The following NIN variants were observed in gnomAD, a reference collection of about 807,000 sequenced individuals.
NIN encodes glycogen synthase kinase 3 beta-interacting protein.
In NIN, 137 loss-of-function variants were observed where a neutral mutation model predicts 257.6. The observed-to-expected ratio is 0.53, with a 90% CI of 0.46 to 0.61. The LOEUF is 0.61. Ranked by LOEUF, NIN falls within the 20% of genes least tolerant of loss-of-function variation. The pLI is 0.00. For missense variants in NIN, 2,439 were observed against 2,501.2 expected, an observed-to-expected ratio of 0.98 and a Z score of 0.53; for synonymous variants, 918 against 919.8, an observed-to-expected ratio of 1.00 and a Z score of 0.04.
At chr14:50,811,111 C>CTT (rs61652857) in intron 3 of NIN, among the ~76,000 whole-genome samples, 14 of 142,084 alleles carry the variant, frequency 9.9e-5, no homozygotes, top group East Asian at 6.2e-4. Context: ...GAAGCTATTA[C>CTT]TTTTTTTTTT....
chr14:50,808,529 C>G (rs1466945848), intron 3 of NIN, among the ~76,000 whole-genome samples: 3 of 152,200 alleles, frequency 2.0e-5, no homozygotes, highest in Admixed American at 2.0e-4. Flanking sequence ...GGAGACATTA[C>G]GAAGCCTCTC....
At chr14:50,816,178 G>C (rs878903601) in intron 3 of NIN, among the ~76,000 whole-genome samples, 18 of 151,994 alleles carry the variant, frequency 1.2e-4, no homozygotes, top group Admixed American at 8.5e-4. Flanking sequence ...CAGGAGGTAG[G>C]GGGTGGGTGG....
intron 28 of NIN, among the ~76,000 whole-genome samples, chr14:50,733,995 T>C (rs900351925): frequency 5.9e-5 from 9 of 152,220 alleles, no homozygotes; most frequent in African/African-American, 1.4e-4. Context: ...AAATCAATGC[T>C]TGGTGCTTGG....
At chr14:50,811,544 CTTTTTTTTTTTT>C (rs55734117) in intron 3 of NIN, among the ~76,000 whole-genome samples, 3 of 75,276 alleles carry the variant, frequency 4.0e-5, no homozygotes, top group Non-Finnish European at 7.3e-5. Context: ...AATGGTCAAG[CTTTTTTTTTTTT>C]TTTTTTTTTT....
At chr14:50,779,352 G>C (rs1477596116) in intron 5 of NIN, among the ~76,000 whole-genome samples, 1 of 152,226 alleles carries the variant, frequency 6.6e-6, no homozygotes, top group African/African-American at 2.4e-5. Flanking sequence ...CTATGACAAG[G>C]AAGTTCAGGA....
intron 12 of NIN, among the ~76,000 whole-genome samples, chr14:50,768,598 G>A (rs1327891976): frequency 6.6e-6 from 1 of 151,982 alleles, no homozygotes; most frequent in Non-Finnish European, 1.5e-5. Context: ...GAGAGCTGGG[G>A]TAGGTGCAGT....
At position 50,771,122 on chromosome 14, in the gene NIN, AAGGCACTC is replaced by A. The variant is rs2042713958; in HGVS notation, c.1119-138_1119-131del. Reference sequence around the variant, plus strand: ...ACAACCAAAACCCTCCCAAAGCAAAAAGGCACTCCACCCTTCCCTTCAAAAGCCTACAT... The same window carrying A: ...ACAACCAAAACCCTCCCAAAGCAAAACACCCTTCCCTTCAAAAGCCTACAT... On this transcript the variant is annotated intron_variant, in intron 10 of 30. Coordinates refer to ENST00000530997, the MANE Select transcript of NIN (RefSeq NM_020921.4). 3 of 1,216,048 alleles carry A rather than the reference AAGGCACTC, an allele frequency of 2.5e-6. No individual in the cohort carries two copies. In the East Asian group the frequency reaches 7.4e-5, roughly 30 times the overall value. The allele number at this position is 1,216,048 out of a possible 1,614,324, so 75.3% of individuals were successfully genotyped here.
intron 2 of NIN, among the ~76,000 whole-genome samples, chr14:50,825,399 T>C (rs902096986): frequency 5.3e-5 from 8 of 152,208 alleles, no homozygotes; most frequent in African/African-American, 1.9e-4. Context: ...TATTGATAAA[T>C]TTAATGTCAA....
In NIN at chr14:50,766,358, C is replaced by T; in HGVS notation, c.1584G>A (p.Leu528=). The stretch of plus-strand genomic sequence containing the variant: ...TCATCTGTGTCAGTCTCTCTTCTTG[C>T]AGGAAGAACTCAGCACTGCTAGGAT... The part of the protein sequence containing the change: ...DLDPSSAEFF[L]QEERLTQMRN... The change falls in exon 14 of 31, where the codon CTG becomes CTA. Residue 528 remains leucine, a synonymous_variant. Transcript: ENST00000530997. 1 of 1,614,160 alleles carries T rather than the reference C, an allele frequency of 6.2e-7. No individual in the cohort carries two copies.
intron 5 of NIN, 122 bp downstream of exon 5, chr14:50,792,590 G>A (rs541643628): frequency 1.0e-5 from 10 of 960,670 alleles, no homozygotes; most frequent in Non-Finnish European, 1.4e-5. Flanking sequence ...TTAGCAAGGA[G>A]TTGGTAACTG....
chr14:50,815,594 T>C (rs1281484390), intron 3 of NIN, among the ~76,000 whole-genome samples: 1 of 152,226 alleles, frequency 6.6e-6, no homozygotes, highest in Non-Finnish European at 1.5e-5. Context: ...TGCATGCATA[T>C]GTTCATTGCA....
chr14:50,735,619 T>G lies in NIN; in HGVS notation c.5776-2A>C. 1 of 1,604,354 alleles carries G rather than the reference T, an allele frequency of 6.2e-7. No individual in the cohort carries two copies. The highest frequency in any genetic ancestry group is 1.1e-5 in the South Asian group (1 of 89,586). On this transcript the variant is annotated splice_acceptor_variant, in intron 27 of 30. Coordinates refer to ENST00000530997, the MANE Select transcript of NIN (RefSeq NM_020921.4). LOFTEE classifies it high-confidence loss of function. ...TTCAAGGGAATTCATCTGACTGACC[T>G]GTTTAAAAAAAACAAAATATTCCCT... is the stretch of plus-strand genomic sequence containing the variant.
intron 28 of NIN, among the ~76,000 whole-genome samples, chr14:50,734,117 TC>T (rs1242671793): frequency 6.7e-6 from 1 of 150,068 alleles, no homozygotes; most frequent in Admixed American, 6.7e-5. Context: ...TGAGATGGAG[TC>T]CGGCATTGTT....
chr14:50,829,375 G>T (rs556316782), intron 2 of NIN, among the ~76,000 whole-genome samples: 4 of 152,140 alleles, frequency 2.6e-5, no homozygotes, highest in Non-Finnish European at 4.4e-5. Flanking sequence ...ACAGAAAAAA[G>T]GAATTTTCCT....
chr14:50,742,458 A>T (rs1330897215), intron 24 of NIN: 3 of 149,896 alleles, frequency 2.0e-5, no homozygotes, highest in Admixed American at 6.7e-5. Flanking sequence ...CAGTGGCACG[A>T]TCTCGGCTCA....
chr14:50,817,859 G>A (rs2044987283), intron 3 of NIN, among the ~76,000 whole-genome samples: 1 of 152,008 alleles, frequency 6.6e-6, no homozygotes, highest in Admixed American at 6.5e-5. Context: ...AGGATTACCG[G>A]CGCCCACTGC....
chr14:50,802,832 G>A (rs1408982880), intron 4 of NIN, among the ~76,000 whole-genome samples: 1 of 152,148 alleles, frequency 6.6e-6, no homozygotes, highest in Non-Finnish European at 1.5e-5. Flanking sequence ...CTCAAGGGTG[G>A]CTCTATTAAA....
In NIN at chr14:50,777,375, A is replaced by G. The variant is rs147991517; in HGVS notation, c.476-236T>C. On this transcript the variant is annotated intron_variant, in intron 6 of 30. Coordinates refer to ENST00000530997, the MANE Select transcript of NIN (RefSeq NM_020921.4). ...TGACAGTCATACCGGTGTAATAAAT[A>G]TAATCTCCTGTGCAATACTGCAAAG... is the stretch of plus-strand genomic sequence containing the variant. Among the ~76,000 whole-genome samples the G allele has an allele frequency of 2.2e-3, 337 of 152,302 alleles. 2 individuals carry two copies. Among genetic ancestry groups the G allele is most frequent in the African/African-American group, 7.0e-3 (292 of 41,560 alleles).
chr14:50,803,845 C>G (rs1005402524), intron 4 of NIN, among the ~76,000 whole-genome samples: 5 of 151,938 alleles, frequency 3.3e-5, no homozygotes, highest in African/African-American at 1.2e-4. Flanking sequence ...CTGTCTCTGC[C>G]CAGCCAAACC....
Sources: allele counts gnomAD v4.1 joint callset (sites outside exome capture counted in the v4.1 genomes callset), GRCh38; gene constraint gnomAD v4.1.1; transcripts MANE v1.5; gene names NCBI Gene and HGNC (gene_info 2026-07-23, HGNC 2026-07-21).